URI1: variants seen among roughly 807,000 people sequenced by gnomAD.
URI1 encodes the protein URI1 prefoldin like chaperone, also known as unconventional prefoldin RPB5 interactor 1.
A neutral mutation model predicts 60.2 loss-of-function variants in URI1; 39 were observed. The ratio of observed to expected loss-of-function variants is 0.65; its 90% CI spans 0.50 to 0.85. URI1 has a LOEUF of 0.85. Among genes scored for constraint, URI1 ranks in the 40% least tolerant of loss-of-function variants. URI1 has a pLI of 0.00. For synonymous variants in URI1, 251 were observed against 236.8 expected, an observed-to-expected ratio of 1.06 and a Z score of -0.55; for missense variants, 691 against 665.9, an observed-to-expected ratio of 1.04 and a Z score of -0.42.
At chr19:29,969,680 A>G (rs553421023) in intron 1 of URI1, among the ~76,000 whole-genome samples, 1 of 152,308 alleles carries the variant, frequency 6.6e-6, no homozygotes, top group East Asian at 1.9e-4. Context: ...GGGATTGGAA[A>G]ACATCCTGAC....
intron 4 of URI1, among the ~76,000 whole-genome samples, chr19:29,999,032 T>A (rs1008384577): frequency 4.6e-5 from 7 of 152,132 alleles, no homozygotes; most frequent in African/African-American, 1.7e-4. Flanking sequence ...AAAATGTATT[T>A]TGAATTTATA....
intron 1 of URI1, among the ~76,000 whole-genome samples, chr19:29,945,971 G>T (rs781677370): frequency 6.6e-6 from 1 of 152,044 alleles, no homozygotes; most frequent in Non-Finnish European, 1.5e-5. Context: ...ATGGCTCTTG[G>T]CTGGTTTGAA....
At chr19:29,923,918 G>A (rs149768528) in intron 1 of URI1, among the ~76,000 whole-genome samples, 2 of 152,282 alleles carry the variant, frequency 1.3e-5, no homozygotes, top group Non-Finnish European at 2.9e-5. Context: ...AATGGAGATT[G>A]GCCTGAGTGA....
chr19:29,933,706 C>A (rs2145201769), intron 1 of URI1, among the ~76,000 whole-genome samples: 1 of 151,726 alleles, frequency 6.6e-6, no homozygotes, highest in African/African-American at 2.4e-5. Flanking sequence ...CCTGTAATCC[C>A]AGCTACTCAG....
At chr19:29,989,031 C>T (rs1470825800) in intron 4 of URI1, among the ~76,000 whole-genome samples, 11 of 151,992 alleles carry the variant, frequency 7.2e-5, no homozygotes, top group Admixed American at 7.2e-4. Context: ...AGCATTGATT[C>T]ATGCACTTAT....
chr19:30,010,772 A>G (rs1251326233), intron 8 of URI1, among the ~76,000 whole-genome samples: 1 of 152,214 alleles, frequency 6.6e-6, no homozygotes, highest in Non-Finnish European at 1.5e-5. Flanking sequence ...AATTCAAGCC[A>G]AACACTTATA....
upstream of URI1, among the ~76,000 whole-genome samples, chr19:29,940,288 C>G (rs997715264): frequency 4.6e-5 from 7 of 152,068 alleles, no homozygotes; most frequent in Non-Finnish European, 2.9e-5. Flanking sequence ...ATGGGGCTAC[C>G]TGCTTTGCAC....
chr19:29,938,038 G>A (rs1053173174), upstream of URI1: 1 of 152,140 alleles, frequency 6.6e-6, no homozygotes, highest in Non-Finnish European at 1.5e-5. Flanking sequence ...TGTATCTTTA[G>A]TAGAGATGGG....
At chr19:29,963,072 ACT>A (rs2055346992) in intron 1 of URI1, among the ~76,000 whole-genome samples, 1 of 151,874 alleles carries the variant, frequency 6.6e-6, no homozygotes, top group Non-Finnish European at 1.5e-5. Context: ...GGTTTTCATC[ACT>A]GTTAACTATG....
At chr19:29,953,489 AAAC>A (rs1178833676) in intron 1 of URI1, among the ~76,000 whole-genome samples, 1 of 152,204 alleles carries the variant, frequency 6.6e-6, no homozygotes, top group African/African-American at 2.4e-5. Context: ...CAGAAAGTAA[AAAC>A]AATCTGAATT....
At chr19:29,969,507 G>C (rs1383519582) in intron 1 of URI1, among the ~76,000 whole-genome samples, 2 of 152,158 alleles carry the variant, frequency 1.3e-5, no homozygotes, top group Non-Finnish European at 2.9e-5. Context: ...AGATTTCCTC[G>C]AAGGTCCTTT....
intron 4 of URI1, among the ~76,000 whole-genome samples, chr19:30,001,650 C>A (rs1018898648): frequency 4.6e-5 from 7 of 151,924 alleles, no homozygotes; most frequent in Admixed American, 1.3e-4. Flanking sequence ...GAAATACTCT[C>A]AAGTGAATTG....
At chr19:30,010,467 C>T (rs2056003457) in intron 8 of URI1, among the ~76,000 whole-genome samples, 1 of 152,034 alleles carries the variant, frequency 6.6e-6, no homozygotes, top group African/African-American at 2.4e-5. Context: ...TTACTTTTTT[C>T]CTGTTTTCAT....
In URI1 at chr19:29,923,783, T is replaced by C. The variant is rs1412577013; in HGVS notation, c.63+29T>C. On this transcript the variant is annotated intron_variant, in intron 1 of 10. Coordinates refer to the URI1 transcript ENST00000360605. ...AGTTGAAGCTTGACAGTGTTATAGC[T>C]TCTCTGCTGTTAGTGTGAGGTTTGA... is the stretch of plus-strand genomic sequence containing the variant. 11 of 1,530,962 alleles carry C rather than the reference T, an allele frequency of 7.2e-6. No homozygotes were observed. The Admixed American group carries it at 2.2e-4, about 30-fold the overall frequency. 94.8% of individuals were successfully genotyped at this position (1,530,962 alleles called of 1,614,324 possible). A position where few individuals can be genotyped will look rare whatever the true frequency, so the allele number is the denominator to read the frequency against.
At chr19:30,007,684 A>G in intron 7 of URI1, 46 bp downstream of exon 7, 2 of 1,478,446 alleles carry the variant, frequency 1.4e-6, no homozygotes, top group South Asian at 1.4e-5. Context: ...GTTTCTATAC[A>G]CATTTCCTCA....
intron 4 of URI1, among the ~76,000 whole-genome samples, chr19:29,997,064 A>G (rs929774849): frequency 2.8e-4 from 43 of 152,198 alleles, no homozygotes; most frequent in African/African-American, 9.9e-4. Flanking sequence ...ATTAGCCTGT[A>G]GTTTTCATAT....
At position 30,016,119 on chromosome 19, in the gene URI1, C is replaced by G. The variant is rs2056082409; in HGVS notation, c.*1050C>G. On this transcript the variant is annotated 3_prime_UTR_variant, in exon 11 of 11. Transcript: ENST00000392271. ...AAAATAAGCCATCAATGCCAGTCCA[C>G]CCTCTCTATTCATGGCTAAATATTT... The G allele has an allele frequency of 6.6e-6, 1 of 152,188 alleles. No individual in the cohort carries two copies. Among genetic ancestry groups the G allele is most frequent in the Admixed American group, 6.6e-5 (1 of 15,264 alleles). 9.4% of individuals were successfully genotyped at this position (152,188 alleles called of 1,614,324 possible). A position where few individuals can be genotyped will look rare whatever the true frequency, so the allele number is the denominator to read the frequency against.
rs2056031079 is a variant in URI1, at chr19:30,012,311, A to C, written c.1205A>C (p.Glu402Ala). Reference sequence around the variant, plus strand: ...GCCTTTGTTGATGTTGTGAATGGAGAATATGTCCCTCGCAAATCCATCCTG... The same window carrying C: ...GCCTTTGTTGATGTTGTGAATGGAGCATATGTCCCTCGCAAATCCATCCTG... ...YRAFVDVVNGEYVPRKSILKS... is the reference protein window; with the variant it reads ...YRAFVDVVNGAYVPRKSILKS... Residue 402 changes from glutamate to alanine, a missense_variant, in exon 10 of 11, where the codon GAA (glutamate) becomes GCA (alanine). Coordinates refer to ENST00000392271, the MANE Select transcript of URI1 (RefSeq NM_003796.3). The C allele has an allele frequency of 6.2e-7, 1 of 1,614,028 alleles. No individual in the cohort carries two copies. Among genetic ancestry groups the C allele is most frequent in the Non-Finnish European group, 8.5e-7 (1 of 1,179,922 alleles).
At chr19:29,954,418 A>G (rs563793931) in intron 1 of URI1, among the ~76,000 whole-genome samples, 3 of 152,090 alleles carry the variant, frequency 2.0e-5, no homozygotes, top group African/African-American at 7.2e-5. Flanking sequence ...AAACATTTGC[A>G]TGGTTCAAAA....
Sources: allele counts gnomAD v4.1 joint callset (sites outside exome capture counted in the v4.1 genomes callset), GRCh38; gene constraint gnomAD v4.1.1; transcripts MANE v1.5; gene names NCBI Gene and HGNC (gene_info 2026-07-23, HGNC 2026-07-21).